The following ERMP1 variants were observed in gnomAD, a reference collection of about 807,000 sequenced individuals.
ERMP1 encodes Felix-ina.
Under a neutral mutation model 92.0 loss-of-function variants are expected in ERMP1, and 86 were observed. The observed-to-expected ratio is 0.93, with a 90% confidence interval of 0.79 to 1.12. The LOEUF (loss-of-function observed/expected upper bound fraction) is 1.12, where lower values mean the gene tolerates loss of function less well. Among genes scored for constraint, ERMP1 ranks in the 50% most tolerant of loss-of-function variants. The pLI is 0.00. For synonymous variants in ERMP1, 530 were observed against 412.8 expected (o/e 1.28, Z -3.44); for missense variants, 1,342 against 1,116.3 (o/e 1.20, Z -2.88).
At chr9:5,789,475 A>C (rs10815281) in intron 13 of ERMP1, among the ~76,000 whole-genome samples, 47,460 of 152,152 alleles carry the variant, frequency 0.31, 8,805 homozygotes, top group East Asian at 0.76. Flanking sequence ...AACAGCACTC[A>C]TGAGCCCTTC....
At chr9:5,859,186 A>G (rs1473803582) in intron 6 of ERMP1, among the ~76,000 whole-genome samples, 2 of 152,012 alleles carry the variant, frequency 1.3e-5, no homozygotes, top group East Asian at 3.8e-4. Flanking sequence ...TTTCCTAATT[A>G]TTTAGCAGGA....
At position 5,832,695 on chromosome 9, in the gene ERMP1, T is replaced by A; in HGVS notation, c.333A>T (p.Gln111His). 6.8e-7 allele frequency: 1 copy of A among 1,470,010 alleles called. No homozygotes were observed. Among genetic ancestry groups the A allele is most frequent in the African/African-American group, 1.5e-5 (1 of 68,218 alleles). The allele number at this position is 1,470,010 out of a possible 1,614,324, so 91.1% of individuals were successfully genotyped here. The change falls in exon 1 of 15, where the codon CAA becomes CAT. Residue 111 changes from glutamine to histidine, a missense_variant. Transcript: ENST00000339450. ...AGHRGEFDALQARDYLEHITS... is the reference protein window; with the variant it reads ...AGHRGEFDALHARDYLEHITS... ...CAGGAGGGAGCGGCCGGTACCTGGC[T>A]TGGAGCGCGTCGAACTCCCCGCGGT...
At chr9:5,861,659 C>T (rs1232512701) in intron 5 of ERMP1, among the ~76,000 whole-genome samples, 2 of 150,430 alleles carry the variant, frequency 1.3e-5, no homozygotes, top group Non-Finnish European at 3.0e-5. Context: ...CCCTAGGGCT[C>T]CACTCTCTTC....
intron 13 of ERMP1, 62 bp downstream of exon 13, chr9:5,797,755 A>G: frequency 1.0e-6 from 1 of 981,954 alleles, no homozygotes; most frequent in Non-Finnish European, 1.6e-6. Context: ...AAAAACATAC[A>G]TGCCACTTAT....
chr9:5,824,196 A>G (rs1205225725), intron 3 of ERMP1, among the ~76,000 whole-genome samples, 195 bp from the exon 4 acceptor site: 1 of 152,212 alleles, frequency 6.6e-6, no homozygotes, highest in Non-Finnish European at 1.5e-5. Flanking sequence ...TCAGGTTCGG[A>G]AAGTCACCTA....
At chr9:5,856,828 C>T (rs866678298) in intron 6 of ERMP1, among the ~76,000 whole-genome samples, 4 of 152,206 alleles carry the variant, frequency 2.6e-5, no homozygotes, top group Middle Eastern at 6.8e-3. Flanking sequence ...TTTGAACTCA[C>T]GCCCAACAGC....
chr9:5,843,093 G>A (rs987562119), intron 6 of ERMP1, among the ~76,000 whole-genome samples: 3 of 152,162 alleles, frequency 2.0e-5, no homozygotes, highest in Admixed American at 1.3e-4. Context: ...ACTTATTTAG[G>A]GAACAGAAAA....
At chr9:5,853,531 G>C (rs1455543901) in intron 6 of ERMP1, among the ~76,000 whole-genome samples, 1 of 152,000 alleles carries the variant, frequency 6.6e-6, no homozygotes, top group Non-Finnish European at 1.5e-5. Context: ...AAAGTTCAAA[G>C]AATTCTGCAC....
chr9:5,794,100 C>A (rs1216077690), intron 13 of ERMP1, among the ~76,000 whole-genome samples: 2 of 151,900 alleles, frequency 1.3e-5, no homozygotes, highest in African/African-American at 4.8e-5. Context: ...TGCTCTCAGA[C>A]CACAATGAAA....
intron 5 of ERMP1, among the ~76,000 whole-genome samples, chr9:5,860,211 A>T (rs1057505672): frequency 6.6e-5 from 10 of 151,510 alleles, no homozygotes; most frequent in Non-Finnish European, 1.5e-4. Context: ...AGGCTGAGTC[A>T]GGAGGATTGC....
rs759198453 is a variant in ERMP1 at position 5,805,597 on chromosome 9, C to A, written c.1723+14G>T. 2.6e-6 allele frequency: 4 copies of A among 1,548,438 alleles called. No individual in the cohort carries two copies. The highest frequency in any genetic ancestry group is 1.2e-5 in the South Asian group (1 of 81,076). On this transcript the variant is annotated intron_variant, in intron 9 of 14. Coordinates refer to ENST00000339450, the MANE Select transcript of ERMP1 (RefSeq NM_024896.3). Reference sequence around the variant, plus strand: ...GGTATTCTCCCATGTATATCAAAATCAAAAATACCCTACCATGCTGCTTGA... The same window carrying A: ...GGTATTCTCCCATGTATATCAAAATAAAAAATACCCTACCATGCTGCTTGA...
upstream of ERMP1, among the ~76,000 whole-genome samples, chr9:5,837,236 T>C (rs908389702): frequency 9.2e-5 from 14 of 152,136 alleles, no homozygotes; most frequent in African/African-American, 3.4e-4. Context: ...ACTGCTGCCT[T>C]AGCCTCCCAA....
intron 5 of ERMP1, among the ~76,000 whole-genome samples, chr9:5,864,180 A>G (rs1163655609): frequency 1.3e-5 from 2 of 152,220 alleles, no homozygotes; most frequent in Non-Finnish European, 2.9e-5. Flanking sequence ...CATTTCATTG[A>G]TCAATGAAGT....
At chr9:5,798,717 A>C in intron 12 of ERMP1, 89 bp downstream of exon 12, 1 of 797,692 alleles carries the variant, frequency 1.3e-6, no homozygotes, top group Non-Finnish European at 2.1e-6. Flanking sequence ...CTTGTATATT[A>C]AAGGATGGCA....
chr9:5,836,385 G>C (rs149617043), upstream of ERMP1, among the ~76,000 whole-genome samples: 49 of 152,294 alleles, frequency 3.2e-4, no homozygotes, highest in African/African-American at 1.1e-3. Flanking sequence ...TTCAAATCAG[G>C]TGAGGTACCA....
At chr9:5,866,040 T>G (rs957344022) in intron 5 of ERMP1, among the ~76,000 whole-genome samples, 2 of 152,144 alleles carry the variant, frequency 1.3e-5, no homozygotes, top group Admixed American at 1.3e-4. Flanking sequence ...ATAATAATTT[T>G]TTAATCAAAT....
At chr9:5,831,171 G>A in intron 1 of ERMP1, 143 bp from the exon 2 acceptor site, 1 of 621,498 alleles carries the variant, frequency 1.6e-6, no homozygotes, top group South Asian at 2.1e-5. Context: ...CATTATTTCA[G>A]ACACCAAGTG....
chr9:5,797,491 T>C (rs1304321888), intron 13 of ERMP1, among the ~76,000 whole-genome samples: 2 of 151,848 alleles, frequency 1.3e-5, no homozygotes, highest in African/African-American at 4.8e-5. Flanking sequence ...CTACTAAAAA[T>C]ACAAAAATTA....
Position 5,787,564 on chromosome 9 carries a change from C to T in ERMP1, c.2416G>A (p.Ala806Thr). The change falls in exon 14 of 15, where the codon GCC becomes ACC. Residue 806 changes from alanine to threonine, a missense_variant. By Grantham distance (58) the Ala-to-Thr change is moderately conservative. Transcript: ENST00000339450. ...GPSHMSFYVR[A>T]HKGSTLSQWS... ...TGAGAAAGTGTTGACCCTTTGTGGG[C>T]TCGAACATAGAAGGACATATGGCTT... The T allele has an allele frequency of 6.2e-7, 1 of 1,613,620 alleles. No individual in the cohort carries two copies. The highest frequency in any genetic ancestry group is 8.5e-7 in the Non-Finnish European group (1 of 1,179,818).
Sources: gnomAD v4.1 joint callset for allele counts (sites outside exome capture counted in the v4.1 genomes callset) on GRCh38, gnomAD v4.1.1 for gene constraint, MANE v1.5 for transcripts, NCBI Gene and HGNC (gene_info 2026-07-23, HGNC 2026-07-21) for gene names.